Variants in BTBD8 observed in about 807,000 individuals in gnomAD.
The protein encoded by BTBD8 is BTB/POZ domain-containing protein 8.
A neutral mutation model predicts 162.9 loss-of-function variants in BTBD8; 110 were observed. The observed-to-expected ratio is 0.68, with a 90% confidence interval of 0.58 to 0.79. The LOEUF is 0.79. Among genes scored for constraint, BTBD8 ranks in the 30% least tolerant of loss-of-function variants. The pLI, the probability that BTBD8 is intolerant of heterozygous loss-of-function variation, is 0.00. For synonymous variants in BTBD8, 667 were observed against 716.1 expected, an observed-to-expected ratio of 0.93 and a Z score of 1.10; for missense variants, 1,905 against 2,085.4, an observed-to-expected ratio of 0.91 and a Z score of 1.68.
chr1:92,094,701 A>G (rs1456712381), intron 2 of BTBD8, among the ~76,000 whole-genome samples: 1 of 152,220 alleles, frequency 6.6e-6, no homozygotes, highest in African/African-American at 2.4e-5. Context: ...CCTCATGATT[A>G]AAATTCAATT....
At chr1:92,124,086 A>G (rs369451232) in intron 4 of BTBD8, among the ~76,000 whole-genome samples, 21 of 152,308 alleles carry the variant, frequency 1.4e-4, no homozygotes, top group African/African-American at 5.1e-4. Context: ...GCCAGAAGCT[A>G]TACTCAGCTT....
chr1:92,150,031 C>A (rs1650010716), intron 9 of BTBD8, among the ~76,000 whole-genome samples: 1 of 152,220 alleles, frequency 6.6e-6, no homozygotes. Context: ...GCAGCCCCTA[C>A]AGTTGTGTAA....
chr1:92,088,617 A>AT, intron 1 of BTBD8, 81 bp from the exon 2 acceptor site: 1 of 1,146,624 alleles, frequency 8.7e-7, no homozygotes, highest in Non-Finnish European at 1.2e-6. Flanking sequence ...CTTATGTGTT[A>AT]TTTTAAACCT....
intron 2 of BTBD8, among the ~76,000 whole-genome samples, chr1:92,092,584 A>C (rs1161980214): frequency 6.6e-6 from 1 of 152,182 alleles, no homozygotes; most frequent in Non-Finnish European, 1.5e-5. Context: ...TCTGTTGTTT[A>C]AGCTACTCAG....
intron 4 of BTBD8, 54 bp from the exon 5 acceptor site, chr1:92,129,633 A>G: frequency 7.4e-7 from 1 of 1,353,240 alleles, no homozygotes. Context: ...AAAAAATTAC[A>G]TTTTGAATAA....
chr1:92,147,883 A>G (rs1649963254), intron 9 of BTBD8, 97 bp downstream of exon 9: 1 of 1,112,030 alleles, frequency 9.0e-7, no homozygotes, highest in South Asian at 1.5e-5. Context: ...AATGTAAAAT[A>G]TTGTAAAAGC....
chr1:92,107,186 A>C (rs1648756686), intron 3 of BTBD8, among the ~76,000 whole-genome samples: 1 of 152,098 alleles, frequency 6.6e-6, no homozygotes, highest in Non-Finnish European at 1.5e-5. Flanking sequence ...GAGATTAGAA[A>C]TTTTTCTAAT....
intron 1 of BTBD8, among the ~76,000 whole-genome samples, chr1:92,088,308 T>G (rs932159560): frequency 9.2e-5 from 14 of 152,322 alleles, no homozygotes; most frequent in Middle Eastern, 3.4e-3. Context: ...TTTAAAAAAT[T>G]GATTATTTTA....
At chr1:92,159,060 T>C (rs1258399700) in intron 9 of BTBD8, among the ~76,000 whole-genome samples, 1 of 152,158 alleles carries the variant, frequency 6.6e-6, no homozygotes, top group Admixed American at 6.5e-5. Context: ...CCAGCCAAAA[T>C]CTTTAAGTGA....
At chr1:92,172,656 G>T (rs570104580) in intron 13 of BTBD8, among the ~76,000 whole-genome samples, 3 of 152,180 alleles carry the variant, frequency 2.0e-5, no homozygotes, top group Non-Finnish European at 4.4e-5. Context: ...AGTTTGGAAT[G>T]CAATGAACGT....
chr1:92,168,781 GAGTA>G (rs1174927496), intron 11 of BTBD8, 81 bp from the exon 12 acceptor site: 6 of 1,269,268 alleles, frequency 4.7e-6, no homozygotes, highest in Non-Finnish European at 5.3e-6. Flanking sequence ...TCTAGCTTAG[GAGTA>G]AGTAGATTCT....
chr1:92,110,929 A>C (rs1648874817), intron 4 of BTBD8, among the ~76,000 whole-genome samples: 1 of 151,418 alleles, frequency 6.6e-6, no homozygotes, highest in African/African-American at 2.4e-5. Context: ...AATTTGTTGC[A>C]CTTCTATGTT....
rs141789562 is a variant in BTBD8 at position 92,092,172 on chromosome 1, A to T, written c.347+3277A>T. ...TCCCAGCACTTTGGGGGGCTGAGGCAGGTGGATCGCTTGAGTCCAGGGGTT... is the reference window on the plus strand; with the variant it reads ...TCCCAGCACTTTGGGGGGCTGAGGCTGGTGGATCGCTTGAGTCCAGGGGTT... On this transcript the variant is annotated intron_variant, in intron 2 of 17. Coordinates refer to ENST00000636805, the MANE Select transcript of BTBD8 (RefSeq NM_001376131.1). 1.8e-3 allele frequency among the ~76,000 whole-genome samples: 277 copies of T among 152,168 alleles called. 3 individuals carry two copies. Among genetic ancestry groups the T allele is most frequent in the African/African-American group, 6.1e-3 (255 of 41,514 alleles).
intron 1 of BTBD8, among the ~76,000 whole-genome samples, chr1:92,086,353 T>G (rs1648160598): frequency 6.6e-6 from 1 of 152,140 alleles, no homozygotes; most frequent in Non-Finnish European, 1.5e-5. Flanking sequence ...CAAAATCTTT[T>G]ACATTATGTC....
intron 17 of BTBD8, among the ~76,000 whole-genome samples, chr1:92,183,282 A>G (rs759446885): frequency 6.2e-4 from 94 of 152,170 alleles, no homozygotes; most frequent in Non-Finnish European, 9.6e-4. Flanking sequence ...TAAAATATGC[A>G]ATAGTGGCTG....
intron 13 of BTBD8, among the ~76,000 whole-genome samples, chr1:92,173,716 T>C (rs1468084162): frequency 6.6e-6 from 1 of 152,214 alleles, no homozygotes; most frequent in Non-Finnish European, 1.5e-5. Context: ...TTTGCATTTA[T>C]TATGTGTCAT....
At chr1:92,162,507 G>C (rs1271774542) in intron 9 of BTBD8, among the ~76,000 whole-genome samples, 1 of 152,164 alleles carries the variant, frequency 6.6e-6, no homozygotes, top group Non-Finnish European at 1.5e-5. Flanking sequence ...TTCTATATTA[G>C]TGTTTTTCGA....
intron 2 of BTBD8, among the ~76,000 whole-genome samples, chr1:92,093,682 G>A (rs1648376551): frequency 6.6e-6 from 1 of 152,188 alleles, no homozygotes; most frequent in South Asian, 2.1e-4. Flanking sequence ...AGGGTTAAAT[G>A]TGATGGTTAT....
intron 4 of BTBD8, among the ~76,000 whole-genome samples, chr1:92,123,601 G>A (rs1649271713): frequency 6.6e-6 from 1 of 151,806 alleles, no homozygotes; most frequent in Non-Finnish European, 1.5e-5. Flanking sequence ...TAGTGTAAAT[G>A]GAAATTTTTT....
Sources: allele counts gnomAD v4.1 joint callset (sites outside exome capture counted in the v4.1 genomes callset), GRCh38; gene constraint gnomAD v4.1.1; transcripts MANE v1.5; gene names NCBI Gene and HGNC (gene_info 2026-07-23, HGNC 2026-07-21).